The following UNC5C variants were observed in gnomAD, a reference collection of about 807,000 sequenced individuals.
The protein encoded by UNC5C is unc-5 netrin receptor C, also known as netrin receptor UNC5C.
UNC5C carries 47 observed loss-of-function variants against 99.8 expected under a neutral mutation model. That is an observed-to-expected ratio of 0.47 (90% CI 0.37 to 0.60). UNC5C has a LOEUF of 0.60. Ranked by LOEUF, UNC5C falls within the 20% of genes least tolerant of loss-of-function variation. UNC5C has a pLI of 0.00. For missense variants in UNC5C, 1,062 were observed against 1,165.9 expected (o/e 0.91, Z 1.30); for synonymous variants, 487 against 452.2 (o/e 1.08, Z -0.98).
chr4:95,420,555 T>C (rs1035166315), intron 1 of UNC5C, among the ~76,000 whole-genome samples: 1 of 152,220 alleles, frequency 6.6e-6, no homozygotes, highest in Non-Finnish European at 1.5e-5. Flanking sequence ...TTTAGAGTTC[T>C]AAATTGGCCT....
intron 1 of UNC5C, among the ~76,000 whole-genome samples, chr4:95,431,953 G>A (rs756443846): frequency 2.0e-5 from 3 of 151,980 alleles, no homozygotes; most frequent in Admixed American, 6.6e-5. Context: ...TCACTGCCCC[G>A]TATCAAGTAA....
chr4:95,364,205 A>T lies in UNC5C; in HGVS notation c.125-28574T>A, dbSNP rs372199598. 3.8e-4 allele frequency among the ~76,000 whole-genome samples: 58 copies of T among 152,200 alleles called. No homozygotes were observed. The Middle Eastern group carries it at 0.01, about 27-fold the overall frequency. ...TGTAGCTGAGCTGGCAAAATACAAC[A>T]CTGCTTTCCTGGCACAGAACATGTG... On this transcript the variant is annotated intron_variant, in intron 1 of 15. Transcript: ENST00000453304.
intron 1 of UNC5C, among the ~76,000 whole-genome samples, chr4:95,335,842 A>G (rs1743317620): frequency 6.6e-6 from 1 of 151,914 alleles, no homozygotes; most frequent in Non-Finnish European, 1.5e-5. Flanking sequence ...ACTCAACATC[A>G]GGGAGGATAA....
chr4:95,361,296 CT>C (rs1744383387), intron 1 of UNC5C, among the ~76,000 whole-genome samples: 1 of 152,106 alleles, frequency 6.6e-6, no homozygotes, highest in Admixed American at 6.6e-5. Context: ...CTCTGTTTTT[CT>C]TCAAATCTAC....
intron 3 of UNC5C, among the ~76,000 whole-genome samples, chr4:95,292,231 A>C (rs868011615): frequency 4.3e-4 from 35 of 80,518 alleles, no homozygotes; most frequent in African/African-American, 2.2e-3. Flanking sequence ...ACACACACAC[A>C]CACACATATA....
chr4:95,328,062 A>ATT (rs71583698), intron 2 of UNC5C, among the ~76,000 whole-genome samples: 14 of 86,730 alleles, frequency 1.6e-4, no homozygotes, highest in African/African-American at 4.3e-4. Flanking sequence ...TTTTTTTTTA[A>ATT]TTTTTTTTTT....
intron 1 of UNC5C, among the ~76,000 whole-genome samples, chr4:95,418,595 A>G (rs1205846303): frequency 2.0e-5 from 3 of 152,212 alleles, no homozygotes; most frequent in Non-Finnish European, 2.9e-5. Context: ...ACTTTTTACT[A>G]TAATAACATG....
At chr4:95,516,192 C>G (rs1173170266) in intron 1 of UNC5C, among the ~76,000 whole-genome samples, 1 of 152,112 alleles carries the variant, frequency 6.6e-6, no homozygotes, top group African/African-American at 2.4e-5. Flanking sequence ...GTTAATTATA[C>G]TGCTTGAATA....
intron 4 of UNC5C, among the ~76,000 whole-genome samples, chr4:95,271,630 A>G (rs1010320853): frequency 6.6e-6 from 1 of 152,222 alleles, no homozygotes; most frequent in Non-Finnish European, 1.5e-5. Flanking sequence ...TTCTTCTGAA[A>G]GACTAAATAT....
chr4:95,543,451 G>T (rs1722967679), intron 1 of UNC5C, among the ~76,000 whole-genome samples: 1 of 152,092 alleles, frequency 6.6e-6, no homozygotes, highest in Non-Finnish European at 1.5e-5. Flanking sequence ...TTTAAATTAG[G>T]ATAACGAAAC....
intron 1 of UNC5C, among the ~76,000 whole-genome samples, chr4:95,459,429 G>T (rs1747537957): frequency 6.6e-6 from 1 of 152,052 alleles, no homozygotes; most frequent in Middle Eastern, 3.2e-3. Context: ...GGCCCATTAA[G>T]GTATCAGACT....
chr4:95,191,328 C>G (rs575150141), intron 12 of UNC5C, among the ~76,000 whole-genome samples: 71 of 152,252 alleles, frequency 4.7e-4, no homozygotes, highest in Non-Finnish European at 7.5e-4. Context: ...CTGGGAGCCC[C>G]CAGGCAACAG....
chr4:95,462,508 A>G (rs375642080), intron 1 of UNC5C, among the ~76,000 whole-genome samples: 31 of 152,328 alleles, frequency 2.0e-4, no homozygotes, highest in African/African-American at 6.5e-4. Flanking sequence ...TATAAAAATG[A>G]AAATTTCAGG....
chr4:95,504,676 CA>C (rs1259551543), intron 1 of UNC5C, among the ~76,000 whole-genome samples: 4 of 151,996 alleles, frequency 2.6e-5, no homozygotes, highest in African/African-American at 7.2e-5. Flanking sequence ...GCTGTGGTTT[CA>C]AAAAAATGCT....
intron 7 of UNC5C, among the ~76,000 whole-genome samples, chr4:95,231,895 T>A (rs1474238858): frequency 6.6e-6 from 1 of 152,130 alleles, no homozygotes; most frequent in East Asian, 1.9e-4. Flanking sequence ...ACAACAACAA[T>A]TAAAAAGAAC....
chr4:95,515,644 T>C (rs1417799992), intron 1 of UNC5C, among the ~76,000 whole-genome samples: 1 of 152,196 alleles, frequency 6.6e-6, no homozygotes. Flanking sequence ...CCACTATGCA[T>C]AGCCAATAGT....
intron 12 of UNC5C, among the ~76,000 whole-genome samples, chr4:95,186,259 T>C (rs1469979828): frequency 1.3e-5 from 2 of 152,156 alleles, no homozygotes; most frequent in Non-Finnish European, 2.9e-5. Flanking sequence ...AAGCAAAATA[T>C]AATTTTTTCT....
chr4:95,272,448 C>T (rs1300061862), intron 4 of UNC5C, among the ~76,000 whole-genome samples: 1 of 152,168 alleles, frequency 6.6e-6, no homozygotes, highest in East Asian at 1.9e-4. Flanking sequence ...AAACTTATTG[C>T]AATTTTAATT....
At chr4:95,303,599 C>T (rs1309322363) in intron 2 of UNC5C, among the ~76,000 whole-genome samples, 2 of 152,206 alleles carry the variant, frequency 1.3e-5, no homozygotes, top group African/African-American at 4.8e-5. Flanking sequence ...TTGCTTGAAC[C>T]TTGGAGATGG....
Sources: gnomAD v4.1 joint callset for allele counts (sites outside exome capture counted in the v4.1 genomes callset) on GRCh38, gnomAD v4.1.1 for gene constraint, MANE v1.5 for transcripts, NCBI Gene and HGNC (gene_info 2026-07-23, HGNC 2026-07-21) for gene names.